The following BNC2 variants were observed in gnomAD, a reference collection of about 807,000 sequenced individuals.
BNC2 encodes the protein zinc finger protein basonuclin-2.
In BNC2, 20 loss-of-function variants were observed where a neutral mutation model predicts 76.3. The ratio of observed to expected loss-of-function variants is 0.26; its 90% CI spans 0.18 to 0.38. The LOEUF (loss-of-function observed/expected upper bound fraction) is 0.38, where lower values mean the gene tolerates loss of function less well. Ranked by LOEUF, BNC2 falls within the 10% of genes least tolerant of loss-of-function variation. The probability of loss-of-function intolerance (pLI) is 1.00; values close to 1 mark genes in which losing one functional copy is unlikely to be tolerated. For synonymous variants in BNC2, 582 were observed against 514.8 expected (o/e 1.13, Z -1.77); for missense variants, 1,382 against 1,399.8 (o/e 0.99, Z 0.20).
intron 2 of BNC2, among the ~76,000 whole-genome samples, chr9:16,733,327 T>C (rs1254728115): frequency 6.6e-6 from 1 of 152,224 alleles, no homozygotes; most frequent in African/African-American, 2.4e-5. Flanking sequence ...TTGTGAAACC[T>C]GCCATCCTTA....
At chr9:16,535,162 G>C (rs1818090695) in intron 5 of BNC2, among the ~76,000 whole-genome samples, 2 of 152,140 alleles carry the variant, frequency 1.3e-5, no homozygotes, top group South Asian at 4.1e-4. Flanking sequence ...CCAAACTTTT[G>C]GGTTTATTGT....
chr9:16,583,227 G>T (rs1426340149), intron 3 of BNC2, 142 bp from the exon 4 acceptor site: 1 of 698,282 alleles, frequency 1.4e-6, no homozygotes, highest in South Asian at 1.7e-5. Flanking sequence ...AATAAATTTA[G>T]ATATCACCAA....
intron 1 of BNC2, among the ~76,000 whole-genome samples, chr9:16,740,899 G>GA (rs1824829112): frequency 1.3e-5 from 2 of 151,738 alleles, no homozygotes; most frequent in East Asian, 1.9e-4. Flanking sequence ...AAGAGATACA[G>GA]AAAAAAAATC....
intron 1 of BNC2, among the ~76,000 whole-genome samples, chr9:16,793,727 G>A (rs958338378): frequency 8.2e-5 from 11 of 133,914 alleles, no homozygotes; most frequent in Admixed American, 9.3e-5. Flanking sequence ...GTGCAGTGGC[G>A]TGATCTGGGC....
chr9:16,824,551 T>G (rs1382651436), intron 1 of BNC2, among the ~76,000 whole-genome samples: 1 of 152,140 alleles, frequency 6.6e-6, no homozygotes, highest in African/African-American at 2.4e-5. Context: ...TCTCAGGTGC[T>G]TTCATATTCT....
intron 1 of BNC2, among the ~76,000 whole-genome samples, chr9:16,759,746 C>T (rs1405628406): frequency 7.0e-6 from 1 of 142,974 alleles, no homozygotes; most frequent in Non-Finnish European, 1.5e-5. Context: ...TTTTTTGACA[C>T]AGAGTCTCGC....
chr9:16,742,128 T>A (rs1824869793), intron 1 of BNC2, among the ~76,000 whole-genome samples: 1 of 152,168 alleles, frequency 6.6e-6, no homozygotes, highest in African/African-American at 2.4e-5. Context: ...TTTGTTTAGG[T>A]TTTCCCAAAT....
At chr9:16,857,543 T>C (rs979130120) in intron 1 of BNC2, among the ~76,000 whole-genome samples, 4 of 147,902 alleles carry the variant, frequency 2.7e-5, no homozygotes, top group Admixed American at 6.7e-5. Flanking sequence ...TTTCACAGAA[T>C]TGTTTCCCCT....
intron 3 of BNC2, among the ~76,000 whole-genome samples, chr9:16,672,212 C>A (rs2134189696): frequency 6.6e-6 from 1 of 152,198 alleles, no homozygotes; most frequent in Admixed American, 6.5e-5. Context: ...AAATGTTTAA[C>A]ATTGGCCGGA....
chr9:16,664,151 G>A (rs1822195674), intron 3 of BNC2, among the ~76,000 whole-genome samples: 1 of 152,058 alleles, frequency 6.6e-6, no homozygotes, highest in South Asian at 2.1e-4. Flanking sequence ...TGACACTCTG[G>A]ACTTGTGACA....
chr9:16,735,321 T>C (rs1042592423), intron 2 of BNC2, among the ~76,000 whole-genome samples: 3 of 151,194 alleles, frequency 2.0e-5, no homozygotes, highest in East Asian at 2.0e-4. Context: ...GGCTTCTTTA[T>C]ACCAAACCTA....
intron 4 of BNC2, among the ~76,000 whole-genome samples, chr9:16,558,838 G>A (rs1818920535): frequency 6.6e-6 from 1 of 151,516 alleles, no homozygotes; most frequent in South Asian, 2.1e-4. Context: ...GGAGGCTGAA[G>A]CAGGAGAATC....
chr9:16,805,163 G>A (rs370456282), intron 1 of BNC2, among the ~76,000 whole-genome samples: 51 of 152,194 alleles, frequency 3.4e-4, no homozygotes, highest in Non-Finnish European at 4.9e-4. Context: ...AATAATCCAT[G>A]GACATAGTAG....
At chr9:16,551,784 T>C (rs375905459) in intron 5 of BNC2, among the ~76,000 whole-genome samples, 2 of 152,068 alleles carry the variant, frequency 1.3e-5, no homozygotes, top group African/African-American at 2.4e-5. Flanking sequence ...AAATAACACA[T>C]GACACATTGC....
chr9:16,703,246 A>C (rs1823568150), intron 3 of BNC2, among the ~76,000 whole-genome samples: 1 of 152,336 alleles, frequency 6.6e-6, no homozygotes, highest in Non-Finnish European at 1.5e-5. Flanking sequence ...TCTAAATGTT[A>C]ATTGACAGAT....
Position 16,551,231 on chromosome 9 carries a change from C to T in BNC2, c.669+1299G>A, listed in dbSNP as rs573688293. Among the ~76,000 whole-genome samples the T allele has an allele frequency of 4.6e-5, 7 of 152,344 alleles. No individual in the cohort carries two copies. The East Asian group carries it at 1.3e-3, about 29-fold the overall frequency. On this transcript the variant is annotated intron_variant, in intron 5 of 6. Coordinates refer to ENST00000380672, the MANE Select transcript of BNC2 (RefSeq NM_017637.6). ...TGTGTCTTCCCAGTTGAGATTCTCA[C>T]TAAATTAAGACGTCATTCTATTCTG...
At chr9:16,859,586 T>A (rs538885828) in intron 1 of BNC2, among the ~76,000 whole-genome samples, 7 of 152,170 alleles carry the variant, frequency 4.6e-5, no homozygotes, top group African/African-American at 1.7e-4. Context: ...TCTAGCTAAG[T>A]GAAATAAGCC....
chr9:16,836,480 G>A (rs371688925), intron 1 of BNC2, among the ~76,000 whole-genome samples: 1 of 149,616 alleles, frequency 6.7e-6, no homozygotes, highest in Non-Finnish European at 1.5e-5. Context: ...AGTTTGTCTT[G>A]ATTTTTAAAA....
intron 1 of BNC2, among the ~76,000 whole-genome samples, chr9:16,850,102 C>T (rs868435370): frequency 2.6e-5 from 4 of 152,174 alleles, no homozygotes; most frequent in African/African-American, 7.2e-5. Flanking sequence ...AAAACCATTT[C>T]GTATCATGAA....
Sources: gnomAD v4.1 joint callset for allele counts (sites outside exome capture counted in the v4.1 genomes callset) on GRCh38, gnomAD v4.1.1 for gene constraint, MANE v1.5 for transcripts, NCBI Gene and HGNC (gene_info 2026-07-23, HGNC 2026-07-21) for gene names.